MPP2: variants seen among roughly 807,000 people sequenced by gnomAD.
MPP2 encodes the protein MAGUK p55 scaffold protein 2.
Under a neutral mutation model 58.5 loss-of-function variants are expected in MPP2, and 42 were observed. The ratio of observed to expected loss-of-function variants is 0.72; its 90% CI spans 0.56 to 0.93. MPP2 has a LOEUF of 0.93. Among genes scored for constraint, MPP2 ranks in the 40% least tolerant of loss-of-function variants. MPP2 has a pLI of 0.00. For synonymous variants in MPP2, 300 were observed against 307.8 expected (o/e 0.97, Z 0.26); for missense variants, 632 against 760.4 (o/e 0.83, Z 1.99).
At position 43,906,289 on chromosome 17, in the gene MPP2, C is replaced by A. The variant is rs150838853; in HGVS notation, c.-34+1185G>T. 4.9e-3 allele frequency: 1,254 copies of A among 253,818 alleles called. 23 individuals are homozygous for A. Among genetic ancestry groups the A allele is most frequent in the African/African-American group, 0.027 (1,178 of 43,008 alleles). The allele number at this position is 253,818 out of a possible 1,614,324, so 15.7% of individuals were successfully genotyped here. ...TCGGCTGGCTTTGCTCCCCCACGCC[C>A]GTCCAAGCCTCTGAGAGGGCGGGGC... On this transcript the variant is annotated intron_variant, in intron 1 of 12. Transcript: ENST00000269095.
chr17:43,882,583 A>G, intron 5 of MPP2, 72 bp from the exon 6 acceptor site: 1 of 1,428,156 alleles, frequency 7.0e-7, no homozygotes, highest in East Asian at 2.4e-5. Context: ...GTCTCCTAAT[A>G]GCTCCTCCAT....
Position 43,880,174 on chromosome 17 carries a change from GAGCTGGTAATCATGGTCC to G in MPP2, c.1151-208_1151-191del, listed in dbSNP as rs1468997711. On this transcript the variant is annotated intron_variant, in intron 10 of 12. Transcript: ENST00000269095. This position sits in a 1 kb window ranked among gnomAD's most constrained non-coding sequence, Gnocchi z 5.2. ...TCCCCATTGGCACACACAGAGACAT[GAGCTGGTAATCATGGTCC>G]AGCCCAGAGCCCACAGAAGAGAGGC... Among the ~76,000 whole-genome samples, 2 of 152,012 alleles carry G rather than the reference GAGCTGGTAATCATGGTCC, an allele frequency of 1.3e-5. No homozygotes were observed. The highest frequency in any genetic ancestry group is 2.9e-5 in the Non-Finnish European group (2 of 68,002).
Position 43,880,143 on chromosome 17 carries a change from C to G in MPP2, c.1151-159G>C, listed in dbSNP as rs530545272. Among the ~76,000 whole-genome samples the G allele has an allele frequency of 2.0e-5, 3 of 152,210 alleles. No homozygotes were observed. In the South Asian group the frequency reaches 6.2e-4, roughly 32 times the overall value. On this transcript the variant is annotated intron_variant, in intron 10 of 12. Transcript: ENST00000269095. This position sits in a 1 kb window ranked among gnomAD's most constrained non-coding sequence, Gnocchi z 5.2. ...TGCTGCCTTTGCACACACCTGCCCC[C>G]CACTCTCCCCATTGGCACACACAGA...
At chr17:43,907,878 G>C (rs2048355113), upstream of MPP2, 1 of 985,284 alleles carries the variant, frequency 1.0e-6, no homozygotes, top group African/African-American at 1.7e-5. Flanking sequence ...GGCTTAGACC[G>C]GCGTTCTAGT....
chr17:43,898,639 A>C (rs2047956782), intron 2 of MPP2, among the ~76,000 whole-genome samples: 1 of 152,322 alleles, frequency 6.6e-6, no homozygotes, highest in East Asian at 1.9e-4. Flanking sequence ...GGGAGGCTCC[A>C]GGCAGCTGGA....
intron 3 of MPP2, among the ~76,000 whole-genome samples, chr17:43,890,994 A>G (rs1187618752): frequency 6.6e-6 from 1 of 152,180 alleles, no homozygotes; most frequent in Non-Finnish European, 1.5e-5. Flanking sequence ...ACGACACAGC[A>G]CGATGGTTTG....
At chr17:43,895,189 T>C (rs955837241) in intron 3 of MPP2, among the ~76,000 whole-genome samples, 2 of 152,056 alleles carry the variant, frequency 1.3e-5, no homozygotes, top group East Asian at 1.9e-4. Context: ...TCATGGCTCA[T>C]TGTAGCCTCG....
chr17:43,900,323 G>A (rs2048034444), intron 2 of MPP2: 3 of 797,300 alleles, frequency 3.8e-6, no homozygotes, highest in Non-Finnish European at 5.7e-6. Flanking sequence ...AGCCAAGGGA[G>A]TTGGTGCCCT....
chr17:43,883,787 C>T (rs375377292), intron 3 of MPP2, among the ~76,000 whole-genome samples: 1 of 152,110 alleles, frequency 6.6e-6, no homozygotes, highest in South Asian at 2.1e-4. Context: ...GTCAATGGGA[C>T]TTGAACTTGC....
intron 2 of MPP2, 90 bp from the exon 3 acceptor site, chr17:43,898,470 C>A (rs954146250): frequency 1.9e-6 from 1 of 520,580 alleles, no homozygotes; most frequent in East Asian, 4.4e-5. Flanking sequence ...TTCCCCACCC[C>A]CATGTCCCAC....
intron 2 of MPP2, chr17:43,900,612 CCAGCCAA>C: frequency 2.0e-6 from 3 of 1,477,992 alleles, no homozygotes; most frequent in Non-Finnish European, 2.7e-6. Flanking sequence ...TACCGCCTCC[CCAGCCAA>C]AGCCTGGCCG....
At chr17:43,905,128 G>A (rs540667646) in intron 1 of MPP2, among the ~76,000 whole-genome samples, 20 of 152,086 alleles carry the variant, frequency 1.3e-4, no homozygotes, top group Admixed American at 9.8e-4. Flanking sequence ...GGTAAGCCAT[G>A]ATTGCGCCAC....
intron 3 of MPP2, among the ~76,000 whole-genome samples, chr17:43,893,969 A>G (rs1052892113): frequency 2.0e-5 from 3 of 152,192 alleles, no homozygotes; most frequent in African/African-American, 7.2e-5. Context: ...TTTCATTTAT[A>G]TAAAATTTAA....
intron 3 of MPP2, among the ~76,000 whole-genome samples, chr17:43,889,980 T>G (rs2047538601): frequency 1.3e-5 from 2 of 151,586 alleles, no homozygotes; most frequent in Admixed American, 1.3e-4. Flanking sequence ...GCCTGGCTAA[T>G]TTTTTGTAAT....
chr17:43,900,567 C>A (rs1204457563), intron 2 of MPP2: 4 of 1,540,454 alleles, frequency 2.6e-6, no homozygotes, highest in Middle Eastern at 4.1e-4. Context: ...GCCCCCAGAC[C>A]CGGGGACTCC....
At position 43,880,960 on chromosome 17, in the gene MPP2, G is replaced by C; in HGVS notation, c.989-108C>G. The C allele has an allele frequency of 6.6e-7, 1 of 1,518,894 alleles. No homozygotes were observed. 94.1% of individuals were successfully genotyped at this position (1,518,894 alleles called of 1,614,324 possible). A position where few individuals can be genotyped will look rare whatever the true frequency, so the allele number is the denominator to read the frequency against. ...GCTTGGAACAGGGGAGCAGGGGGGA[G>C]TCGGGCAGGGCCTAGGGACACGGCT... On this transcript the variant is annotated intron_variant, in intron 9 of 12. Transcript: ENST00000269095. The surrounding 1 kb of genome is among the most constrained non-coding windows in gnomAD (Gnocchi z 5.2).
intron 1 of MPP2, 37 bp from the exon 2 acceptor site, chr17:43,904,530 G>GATACAA: frequency 6.3e-7 from 1 of 1,588,742 alleles, no homozygotes; most frequent in Non-Finnish European, 8.6e-7. Flanking sequence ...CAGATACAAG[G>GATACAA]GCAAAGCAAT....
At chr17:43,892,542 C>CT (rs139751840) in intron 3 of MPP2, among the ~76,000 whole-genome samples, 188 of 149,728 alleles carry the variant, frequency 1.3e-3, no homozygotes, top group Middle Eastern at 0.01. Context: ...AAATGAATGG[C>CT]TTTTTTTTTT....
In MPP2 at chr17:43,879,781, C is replaced by T. The variant is rs1364955176; in HGVS notation, c.1353+1G>A. The T allele has an allele frequency of 3.1e-6, 5 of 1,612,874 alleles. No homozygotes were observed. The East Asian group carries it at 6.7e-5, about 22-fold the overall frequency. ...GCTGGGAAGGAGCAGAGTGGCGGTA[C>T]CTGGGGGTTGACATCCAGCACGCAC... On this transcript the variant is annotated splice_donor_variant, in intron 11 of 12. Coordinates refer to ENST00000269095, the MANE Select transcript of MPP2 (RefSeq NM_005374.5). LOFTEE classifies it high-confidence loss of function. The surrounding 1 kb of genome is among the most constrained non-coding windows in gnomAD (Gnocchi z 4.1).
Sources: allele counts gnomAD v4.1 joint callset (sites outside exome capture counted in the v4.1 genomes callset), GRCh38; gene constraint gnomAD v4.1.1; non-coding constraint Gnocchi (gnomAD v3.1); transcripts MANE v1.5; gene names NCBI Gene and HGNC (gene_info 2026-07-23, HGNC 2026-07-21).